KCNMA1: variants seen among roughly 807,000 people sequenced by gnomAD.
KCNMA1 encodes Calcium-activated potassium channel subunit alpha-1.
KCNMA1 carries 29 observed loss-of-function variants against 140.0 expected under a neutral mutation model. The observed-to-expected ratio is 0.21, with a 90% CI of 0.15 to 0.28. The LOEUF (loss-of-function observed/expected upper bound fraction) is 0.28, where lower values mean the gene tolerates loss of function less well. Among genes scored for constraint, KCNMA1 ranks in the 10% least tolerant of loss-of-function variants. KCNMA1 has a pLI of 1.00. For synonymous variants in KCNMA1, 612 were observed against 611.9 expected, an observed-to-expected ratio of 1.00 and a Z score of 0.00; for missense variants, 880 against 1,602.2, an observed-to-expected ratio of 0.55 and a Z score of 7.70.
intron 1 of KCNMA1, among the ~76,000 whole-genome samples, chr10:77,554,943 C>T (rs1392619029): frequency 1.3e-5 from 2 of 152,122 alleles, no homozygotes; most frequent in African/African-American, 2.4e-5. Flanking sequence ...TTGGCATTGA[C>T]CTCTTCCTAA....
intron 1 of KCNMA1, among the ~76,000 whole-genome samples, chr10:77,533,601 C>G (rs2058206934): frequency 2.0e-5 from 3 of 152,120 alleles, no homozygotes; most frequent in Admixed American, 6.6e-5. Flanking sequence ...GTGCCAGGCT[C>G]TGCCCCTCCC....
chr10:77,530,833 G>A (rs2057421843), intron 1 of KCNMA1, among the ~76,000 whole-genome samples: 1 of 152,108 alleles, frequency 6.6e-6, no homozygotes, highest in South Asian at 2.1e-4. Context: ...ACTTGAAATT[G>A]TCTCGATTTT....
intron 1 of KCNMA1, among the ~76,000 whole-genome samples, chr10:77,544,594 CCTAA>C (rs2060977398): frequency 6.6e-6 from 1 of 152,120 alleles, no homozygotes; most frequent in Non-Finnish European, 1.5e-5. Context: ...ACTGAATTTC[CCTAA>C]CTGTGAGCTA....
chr10:76,988,236 A>G (rs1349399725), intron 19 of KCNMA1, among the ~76,000 whole-genome samples: 2 of 152,176 alleles, frequency 1.3e-5, no homozygotes, highest in Non-Finnish European at 2.9e-5. Flanking sequence ...GCATGGGTGA[A>G]AAACTTGGGC....
At chr10:77,385,324 C>T (rs541472824) in intron 2 of KCNMA1, among the ~76,000 whole-genome samples, 1 of 152,336 alleles carries the variant, frequency 6.6e-6, no homozygotes, top group South Asian at 2.1e-4. Context: ...AATTAAACCA[C>T]ATGTTTCTGA....
At chr10:77,289,583 C>T (rs1038270365) in intron 2 of KCNMA1, among the ~76,000 whole-genome samples, 63 of 152,298 alleles carry the variant, frequency 4.1e-4, no homozygotes, top group African/African-American at 1.4e-3. Context: ...CAAAATGACA[C>T]AGATGACCCA....
intron 1 of KCNMA1, among the ~76,000 whole-genome samples, chr10:77,621,972 A>AC (rs748796279): frequency 7.9e-5 from 12 of 151,980 alleles, no homozygotes; most frequent in Non-Finnish European, 1.3e-4. Flanking sequence ...GCCTCCACAT[A>AC]CCCCCCAGCA....
intron 12 of KCNMA1, among the ~76,000 whole-genome samples, chr10:77,081,194 G>A (rs774837705): frequency 2.0e-5 from 3 of 152,216 alleles, no homozygotes; most frequent in South Asian, 4.2e-4. Context: ...AATGAACTGC[G>A]CGACCTTTAG....
intron 1 of KCNMA1, among the ~76,000 whole-genome samples, chr10:77,553,271 T>C (rs1412600884): frequency 1.3e-5 from 2 of 152,220 alleles, no homozygotes; most frequent in South Asian, 2.1e-4. Flanking sequence ...TTGTTGTAAA[T>C]GTTTTAAAAG....
chr10:77,259,302 A>G (rs539954), intron 2 of KCNMA1, among the ~76,000 whole-genome samples: 129,516 of 152,174 alleles, frequency 0.85, 55,336 homozygotes, highest in East Asian at 0.98. Flanking sequence ...AGTAAAACTG[A>G]TTTGTTCACA....
Position 76,885,027 on chromosome 10 carries a change from G to C in KCNMA1, c.*2239C>G. On this transcript the variant is annotated 3_prime_UTR_variant, in exon 28 of 28. Coordinates refer to ENST00000286628, the MANE Select transcript of KCNMA1 (RefSeq NM_001161352.2). ...ATTCATCCTTGTTGCACTTTAGAGAGAGAAGTAAGCTATGTGAGTTTTACA... is the reference window on the plus strand; with the variant it reads ...ATTCATCCTTGTTGCACTTTAGAGACAGAAGTAAGCTATGTGAGTTTTACA... 6.5e-7 allele frequency: 1 copy of C among 1,548,234 alleles called. No individual in the cohort carries two copies. Among genetic ancestry groups the C allele is most frequent in the Non-Finnish European group, 8.7e-7 (1 of 1,145,928 alleles).
At chr10:76,996,819 A>G (rs371643226) in intron 19 of KCNMA1, among the ~76,000 whole-genome samples, 5 of 152,320 alleles carry the variant, frequency 3.3e-5, no homozygotes, top group East Asian at 1.9e-4. Flanking sequence ...AGGGCCCAGA[A>G]GTAAAATAAG....
intron 3 of KCNMA1, among the ~76,000 whole-genome samples, chr10:77,246,698 T>C (rs1599867652): frequency 6.6e-6 from 1 of 152,224 alleles, no homozygotes; most frequent in East Asian, 1.9e-4. Flanking sequence ...ATTATCACAT[T>C]TGAAGATGTT....
At chr10:77,280,287 T>C (rs931174986) in intron 2 of KCNMA1, among the ~76,000 whole-genome samples, 14 of 152,240 alleles carry the variant, frequency 9.2e-5, no homozygotes, top group African/African-American at 3.1e-4. Context: ...CCACTCTTGG[T>C]AAGCTGATTC....
chr10:77,395,133 G>A (rs765387450), intron 2 of KCNMA1, among the ~76,000 whole-genome samples: 3 of 152,164 alleles, frequency 2.0e-5, no homozygotes, highest in East Asian at 3.9e-4. Flanking sequence ...GATTGCCTGG[G>A]CCCAGGGGTT....
chr10:76,999,480 A>G (rs542989118), intron 19 of KCNMA1, among the ~76,000 whole-genome samples: 4 of 152,250 alleles, frequency 2.6e-5, no homozygotes, highest in Admixed American at 2.6e-4. Context: ...CCATCAGTCA[A>G]AGAGATGTGA....
intron 6 of KCNMA1, among the ~76,000 whole-genome samples, chr10:77,115,003 T>C (rs1023591322): frequency 6.6e-6 from 1 of 152,252 alleles, no homozygotes; most frequent in Non-Finnish European, 1.5e-5. Flanking sequence ...CTAGCTTGTT[T>C]ACAGTTCTTT....
At chr10:77,199,848 G>T (rs928593292) in intron 3 of KCNMA1, among the ~76,000 whole-genome samples, 6 of 152,298 alleles carry the variant, frequency 3.9e-5, no homozygotes, top group African/African-American at 1.4e-4. Context: ...CAAGAAACAA[G>T]GCCAGACAGG....
chr10:76,983,199 G>A (rs536031632), intron 19 of KCNMA1, among the ~76,000 whole-genome samples: 99 of 152,328 alleles, frequency 6.5e-4, no homozygotes, highest in African/African-American at 2.3e-3. Flanking sequence ...AGAAGAAAAT[G>A]TTTCCCCAAT....
Sources: gnomAD v4.1 joint callset for allele counts (sites outside exome capture counted in the v4.1 genomes callset) on GRCh38, gnomAD v4.1.1 for gene constraint, MANE v1.5 for transcripts, NCBI Gene and HGNC (gene_info 2026-07-23, HGNC 2026-07-21) for gene names.